TRIM5: variants seen among roughly 807,000 people sequenced by gnomAD.
The protein encoded by TRIM5 is tripartite motif-containing protein 5.
Under a neutral mutation model 35.6 loss-of-function variants are expected in TRIM5, and 31 were observed. The ratio of observed to expected loss-of-function variants is 0.87; its 90% CI spans 0.65 to 1.18. The LOEUF (loss-of-function observed/expected upper bound fraction) is 1.18, where lower values mean the gene tolerates loss of function less well. TRIM5 is among the 50% of genes most tolerant of loss of function. The pLI is 0.00. For missense variants in TRIM5, 609 were observed against 591.6 expected (o/e 1.03, Z -0.31); for synonymous variants, 243 against 215.6 (o/e 1.13, Z -1.11).
chr11:5,645,167 G>A, the TRIM5 span, among the ~76,000 whole-genome samples: 1 of 152,148 alleles, frequency 6.6e-6, no homozygotes, highest in Non-Finnish European at 1.5e-5. Context: ...CGAGAAGAGA[G>A]GATCACGTGA....
At chr11:5,610,289 C>T in the TRIM5 span, 8 of 1,612,424 alleles carry the variant, frequency 5.0e-6, no homozygotes, top group African/African-American at 2.7e-5. Context: ...AAATTACTGT[C>T]GTGGGAAGAA....
At chr11:5,672,267 A>G (rs1190822643) in intron 4 of TRIM5, among the ~76,000 whole-genome samples, 1 of 152,096 alleles carries the variant, frequency 6.6e-6, no homozygotes, top group East Asian at 1.9e-4. Context: ...GCTGCAGTGC[A>G]GTGGTGCCAT....
the TRIM5 span, chr11:5,633,672 T>C: frequency 1.9e-4 from 160 of 853,288 alleles, no homozygotes; most frequent in Admixed American, 4.2e-3. Context: ...ATGTCATAGA[T>C]TCTAATCACC....
intron 4 of TRIM5, among the ~76,000 whole-genome samples, chr11:5,673,244 T>C (rs1414307301): frequency 5.3e-5 from 8 of 151,982 alleles, no homozygotes; most frequent in Admixed American, 3.9e-4. Flanking sequence ...ATATATACTA[T>C]GCAAGCAGTA....
chr11:5,634,795 G>A, the TRIM5 span: 4 of 1,613,800 alleles, frequency 2.5e-6, no homozygotes, highest in East Asian at 8.9e-5. Context: ...AGCAGAAGCA[G>A]TTGGTGAGAG....
At chr11:5,611,298 TG>T in the TRIM5 span, 1 of 1,614,156 alleles carries the variant, frequency 6.2e-7, no homozygotes, top group Non-Finnish European at 8.5e-7. Flanking sequence ...TTTTAATCCT[TG>T]CAACTGTGTA....
the TRIM5 span, among the ~76,000 whole-genome samples, chr11:5,616,628 G>A: frequency 5.5e-5 from 8 of 145,142 alleles, no homozygotes; most frequent in South Asian, 2.3e-4. Context: ...CCATCTTTTA[G>A]AAGATAAATT....
At chr11:5,589,277 G>C in the TRIM5 span, 9 of 151,638 alleles carry the variant, frequency 5.9e-5, no homozygotes, top group Admixed American at 5.3e-4. Flanking sequence ...TACTCATCTA[G>C]TGTCCTCTTC....
At chr11:5,677,415 C>T (rs1300922978) in intron 4 of TRIM5, among the ~76,000 whole-genome samples, 2 of 152,234 alleles carry the variant, frequency 1.3e-5, no homozygotes, top group East Asian at 1.9e-4. Flanking sequence ...TACCATCTCA[C>T]ACCAGTTAGA....
At position 5,680,169 on chromosome 11, in the gene TRIM5, A is replaced by G. The variant is rs1327302928; in HGVS notation, c.9T>C (p.Ser3=). The change falls in exon 2 of 8, where the codon TCT becomes TCC. Residue 3 remains serine (S), a synonymous_variant. Transcript: ENST00000380034. ...CCTCCTTTACATTAACCAGGATTCC[A>G]GAAGCCATAGTAGCTATTCCACTGC... MA[S]GILVNVKEEV... 3.7e-6 allele frequency: 6 copies of G among 1,605,634 alleles called. No individual in the cohort carries two copies. The highest frequency in any genetic ancestry group is 5.1e-6 in the Non-Finnish European group (6 of 1,175,352).
chr11:5,609,713 G>C, the TRIM5 span, among the ~76,000 whole-genome samples: 1 of 152,184 alleles, frequency 6.6e-6, no homozygotes, highest in Non-Finnish European at 1.5e-5. Context: ...ACGAGGTCAG[G>C]AGATCAAAAC....
chr11:5,625,982 T>A, the TRIM5 span, among the ~76,000 whole-genome samples: 1 of 152,266 alleles, frequency 6.6e-6, no homozygotes, highest in African/African-American at 2.4e-5. Context: ...ATGTCCTATC[T>A]TAAGCTCACT....
At chr11:5,652,857 T>TC in the TRIM5 span, among the ~76,000 whole-genome samples, 549 of 146,152 alleles carry the variant, frequency 3.8e-3, no homozygotes, top group African/African-American at 9.9e-3. Context: ...TTTTTCTTTT[T>TC]TTTTTTTTTT....
At chr11:5,604,856 T>C in the TRIM5 span, 2 of 496,152 alleles carry the variant, frequency 4.0e-6, no homozygotes, top group Non-Finnish European at 7.0e-6. Flanking sequence ...AGAGGAACCA[T>C]GGCTAGGGGT....
chr11:5,643,377 A>C, the TRIM5 span: 1 of 1,614,182 alleles, frequency 6.2e-7, no homozygotes, highest in South Asian at 1.1e-5. Flanking sequence ...GTATGTTGTT[A>C]GAAGATGTGC....
At chr11:5,635,339 T>G in the TRIM5 span, among the ~76,000 whole-genome samples, 1 of 149,968 alleles carries the variant, frequency 6.7e-6, no homozygotes, top group African/African-American at 2.5e-5. Flanking sequence ...CACTGCAAGC[T>G]CCGCCTCCCA....
At chr11:5,632,555 C>A in the TRIM5 span, 14 of 1,613,602 alleles carry the variant, frequency 8.7e-6, no homozygotes, top group African/African-American at 1.9e-4. Context: ...CAGCATCTGG[C>A]CAACATAGTG....
At chr11:5,636,007 C>T in the TRIM5 span, among the ~76,000 whole-genome samples, 1 of 152,220 alleles carries the variant, frequency 6.6e-6, no homozygotes, top group Non-Finnish European at 1.5e-5. Context: ...AGAGAGTTCT[C>T]ATGTGGCCTA....
chr11:5,648,295 A>T, the TRIM5 span, among the ~76,000 whole-genome samples: 2 of 151,974 alleles, frequency 1.3e-5, no homozygotes, highest in South Asian at 2.1e-4. Context: ...TCACGAGGTC[A>T]GGAGATCGAG....
Sources: gnomAD v4.1 joint callset for allele counts (sites outside exome capture counted in the v4.1 genomes callset) on GRCh38, gnomAD v4.1.1 for gene constraint, MANE v1.5 for transcripts, NCBI Gene and HGNC (gene_info 2026-07-23, HGNC 2026-07-21) for gene names.